Variants in COBL observed in about 807,000 individuals in gnomAD.
COBL encodes protein cordon-bleu.
COBL carries 51 observed loss-of-function variants against 98.8 expected under a neutral mutation model. The ratio of observed to expected loss-of-function variants is 0.52; its 90% CI spans 0.41 to 0.65. The LOEUF (loss-of-function observed/expected upper bound fraction) is 0.65, where lower values mean the gene tolerates loss of function less well. Among genes scored for constraint, COBL ranks in the 30% least tolerant of loss-of-function variants. The probability of loss-of-function intolerance (pLI) is 0.00; values close to 1 mark genes in which losing one functional copy is unlikely to be tolerated. For missense variants in COBL, 1,617 were observed against 1,617.5 expected (o/e 1.00, Z 0.01); for synonymous variants, 634 against 651.7 (o/e 0.97, Z 0.41).
intron 1 of COBL, among the ~76,000 whole-genome samples, chr7:51,305,599 A>G (rs907087901): frequency 1.3e-5 from 2 of 152,246 alleles, no homozygotes; most frequent in Non-Finnish European, 2.9e-5. Context: ...ACTTTTGTGA[A>G]AGTGACTAAA....
chr7:51,123,047 G>A (rs1297120027), intron 6 of COBL, among the ~76,000 whole-genome samples: 1 of 152,028 alleles, frequency 6.6e-6, no homozygotes, highest in Non-Finnish European at 1.5e-5. Context: ...AGACAGTTTA[G>A]TTAGGCCTGA....
At chr7:51,135,101 A>T (rs7799092) in intron 6 of COBL, among the ~76,000 whole-genome samples, 24,161 of 151,842 alleles carry the variant, frequency 0.16, 2,734 homozygotes, top group African/African-American at 0.31. Context: ...TAGCTGGGAC[A>T]ATAGGCGTGC....
Position 51,028,607 on chromosome 7 carries a change from C to A in COBL, c.2489G>T (p.Gly830Val). 1.2e-6 allele frequency: 2 copies of A among 1,613,948 alleles called. No individual in the cohort carries two copies. The highest frequency in any genetic ancestry group is 3.3e-5 in the Admixed American group (2 of 60,010). ...GGTGGGGGGCTGGTTTCTCCCCTCC[C>A]CTAGGGGGTTCCGGCCCTCATGGTG... is the stretch of plus-strand genomic sequence containing the variant. ...SAHHEGRNPL[G>V]EGRNQPPTMG... Residue 830 changes from glycine (G) to valine (V), a missense_variant, in exon 10 of 13, where the codon GGG (glycine) becomes GTG (valine). By Grantham distance (109) the Gly-to-Val change is moderately radical (BLOSUM62 -3). Around this residue, in one of 3 missense-constraint regions of COBL, gnomAD observed 1,304 missense variants for 1,282.0 expected, o/e 1.02. Coordinates refer to ENST00000265136, the MANE Select transcript of COBL (RefSeq NM_015198.5).
At chr7:51,154,717 A>G (rs939473627) in intron 5 of COBL, among the ~76,000 whole-genome samples, 5 of 152,224 alleles carry the variant, frequency 3.3e-5, no homozygotes, top group African/African-American at 9.6e-5. Context: ...AGGAATGGGC[A>G]TGGGCAATTT....
chr7:51,219,602 G>C, intron 2 of COBL, 139 bp downstream of exon 2: 1 of 884,068 alleles, frequency 1.1e-6, no homozygotes, highest in Non-Finnish European at 1.7e-6. Context: ...TAGTCACTAA[G>C]CCCGATTTAT....
intron 12 of COBL, among the ~76,000 whole-genome samples, chr7:51,024,474 T>C (rs1009812853): frequency 1.3e-5 from 2 of 152,218 alleles, no homozygotes. Context: ...AGAAGCCATC[T>C]GGCCCAAGCA....
At chr7:51,291,134 CAGCGA>C (rs1800854701) in intron 1 of COBL, among the ~76,000 whole-genome samples, 1 of 152,278 alleles carries the variant, frequency 6.6e-6, no homozygotes, top group Non-Finnish European at 1.5e-5. Context: ...CATCGCGAGG[CAGCGA>C]AGAAAGACTG....
At chr7:51,223,398 G>A (rs373294752) in intron 1 of COBL, among the ~76,000 whole-genome samples, 1 of 152,342 alleles carries the variant, frequency 6.6e-6, no homozygotes, top group Non-Finnish European at 1.5e-5. Flanking sequence ...CATCTTCACA[G>A]TAAAAAACGG....
At chr7:51,232,368 G>C (rs1230032937) in intron 1 of COBL, among the ~76,000 whole-genome samples, 1 of 152,142 alleles carries the variant, frequency 6.6e-6, no homozygotes, top group African/African-American at 2.4e-5. Flanking sequence ...GCAGAGTTGA[G>C]AGTTCCCACA....
intron 6 of COBL, among the ~76,000 whole-genome samples, chr7:51,102,147 G>A (rs1459875242): frequency 6.6e-6 from 1 of 152,154 alleles, no homozygotes; most frequent in East Asian, 1.9e-4. Flanking sequence ...AGAAATAATG[G>A]TTGTTTAACC....
At chr7:51,298,780 A>C (rs1053634246) in intron 1 of COBL, among the ~76,000 whole-genome samples, 2 of 152,238 alleles carry the variant, frequency 1.3e-5, no homozygotes, top group Non-Finnish European at 2.9e-5. Context: ...AGTTAATAAC[A>C]ACAACTGCAC....
intron 2 of COBL, among the ~76,000 whole-genome samples, chr7:51,208,435 G>A (rs1346961560): frequency 3.3e-5 from 2 of 60,914 alleles, no homozygotes; most frequent in African/African-American, 1.2e-4. Context: ...CGGGAGGGAG[G>A]TGGGGGGGGT....
At chr7:51,237,716 C>CA (rs1394590618) in intron 1 of COBL, among the ~76,000 whole-genome samples, 1 of 152,006 alleles carries the variant, frequency 6.6e-6, no homozygotes, top group Non-Finnish European at 1.5e-5. Flanking sequence ...CCGTTAAAAA[C>CA]AAAAAAATTC....
intron 5 of COBL, chr7:51,156,194 A>G (rs893546250): frequency 1.3e-5 from 10 of 784,042 alleles, no homozygotes; most frequent in African/African-American, 1.9e-5. Context: ...AATACTCTGC[A>G]CACACACACA....
chr7:51,257,706 TTC>T (rs1417229633), intron 1 of COBL, among the ~76,000 whole-genome samples: 8 of 152,102 alleles, frequency 5.3e-5, no homozygotes, highest in South Asian at 2.1e-4. Context: ...TCAGTTAAAA[TTC>T]TGTTTTCTAA....
intron 2 of COBL, among the ~76,000 whole-genome samples, chr7:51,195,803 T>G (rs937570168): frequency 2.0e-5 from 3 of 152,152 alleles, no homozygotes; most frequent in Non-Finnish European, 1.5e-5. Context: ...AGTTTAACTG[T>G]TATTGGTTTT....
chr7:51,156,986 C>T (rs771329692), intron 5 of COBL, among the ~76,000 whole-genome samples: 2 of 152,160 alleles, frequency 1.3e-5, no homozygotes, highest in Non-Finnish European at 2.9e-5. Flanking sequence ...CAAGGAGAAC[C>T]GAGCCCTCTG....
chr7:51,143,801 A>G (rs1210852608), intron 5 of COBL, among the ~76,000 whole-genome samples: 1 of 152,222 alleles, frequency 6.6e-6, no homozygotes, highest in East Asian at 1.9e-4. Context: ...ACTTCTTTTC[A>G]AGAAAAGTAG....
Position 51,079,789 on chromosome 7 carries a change from T to C in COBL, c.1096+5377A>G, listed in dbSNP as rs190486064. Among the ~76,000 whole-genome samples, 17 of 152,334 alleles carry C rather than the reference T, an allele frequency of 1.1e-4. No individual in the cohort carries two copies. In the East Asian group the frequency reaches 3.1e-3, roughly 28 times the overall value. The stretch of plus-strand genomic sequence containing the variant: ...AGCCGGCTGCCGAGAGGTGGCCTCT[T>C]AGAGCCACATACACCCGGGGAAGGT... On this transcript the variant is annotated intron_variant, in intron 7 of 12. Coordinates refer to ENST00000265136, the MANE Select transcript of COBL (RefSeq NM_015198.5).
Sources: gnomAD v4.1 joint callset for allele counts (sites outside exome capture counted in the v4.1 genomes callset) on GRCh38, gnomAD v4.1.1 for gene constraint, gnomAD v4.1.1 regional missense constraint, MANE v1.5 for transcripts, NCBI Gene and HGNC (gene_info 2026-07-23, HGNC 2026-07-21) for gene names.